The following GABRB1 variants were observed in gnomAD, a reference collection of about 807,000 sequenced individuals.
The protein encoded by GABRB1 is gamma-aminobutyric acid type A receptor subunit beta1, also known as gamma-aminobutyric acid receptor subunit beta-1.
GABRB1 carries 17 observed loss-of-function variants against 51.6 expected under a neutral mutation model. The observed-to-expected ratio is 0.33, with a 90% CI of 0.23 to 0.49. GABRB1 has a LOEUF of 0.49. GABRB1 is among the 20% of genes least tolerant of loss of function. The pLI is 0.99. For synonymous variants in GABRB1, 247 were observed against 218.9 expected, an observed-to-expected ratio of 1.13 and a Z score of -1.14; for missense variants, 410 against 600.6, an observed-to-expected ratio of 0.68 and a Z score of 3.32.
intron 4 of GABRB1, among the ~76,000 whole-genome samples, chr4:47,264,581 T>A (rs138255394): frequency 1.3e-5 from 2 of 152,366 alleles, no homozygotes; most frequent in East Asian, 3.9e-4. Flanking sequence ...AAAGGTCAAG[T>A]CTCAAATGCA....
At chr4:47,259,091 T>C (rs980284278) in intron 4 of GABRB1, among the ~76,000 whole-genome samples, 1 of 152,144 alleles carries the variant, frequency 6.6e-6, no homozygotes, top group Non-Finnish European at 1.5e-5. Flanking sequence ...TGATCAATTC[T>C]AGTCCCCACA....
At chr4:47,056,598 G>A (rs921096474) in intron 3 of GABRB1, among the ~76,000 whole-genome samples, 2 of 152,100 alleles carry the variant, frequency 1.3e-5, no homozygotes, top group Admixed American at 6.6e-5. Context: ...CAAACTGGTT[G>A]GGAATCCATG....
chr4:47,149,182 T>A (rs1717316284), intron 3 of GABRB1, among the ~76,000 whole-genome samples: 1 of 152,060 alleles, frequency 6.6e-6, no homozygotes, highest in Non-Finnish European at 1.5e-5. Flanking sequence ...GGTAAAATGC[T>A]GATCATACAG....
chr4:47,195,457 TAGATGATAGATA>T (rs1719641071), intron 4 of GABRB1, among the ~76,000 whole-genome samples: 1 of 80,180 alleles, frequency 1.2e-5, no homozygotes, highest in African/African-American at 4.8e-5. Context: ...ATAGATAGAT[TAGATGATAGATA>T]GATAGATAGA....
intron 3 of GABRB1, among the ~76,000 whole-genome samples, chr4:47,159,205 C>G (rs1447975943): frequency 2.6e-5 from 4 of 151,766 alleles, no homozygotes; most frequent in African/African-American, 9.7e-5. Context: ...TTCTTTAAGC[C>G]CAGGAATCTG....
intron 1 of GABRB1, chr4:46,994,007 G>C (rs1019383163): frequency 6.5e-6 from 1 of 153,774 alleles, no homozygotes; most frequent in Non-Finnish European, 1.4e-5. Flanking sequence ...TGGGCGTCGG[G>C]TGGTAGCGGT....
intron 1 of GABRB1, among the ~76,000 whole-genome samples, chr4:47,014,521 C>T (rs1248639720): frequency 6.6e-6 from 1 of 152,144 alleles, no homozygotes; most frequent in East Asian, 1.9e-4. Context: ...TAGCATTTCC[C>T]CCTCTCTCCC....
intron 4 of GABRB1, among the ~76,000 whole-genome samples, chr4:47,230,873 T>C (rs1423380023): frequency 2.0e-5 from 3 of 152,176 alleles, no homozygotes; most frequent in Admixed American, 2.0e-4. Flanking sequence ...TTCATTGGCT[T>C]AGAAACACCT....
intron 4 of GABRB1, among the ~76,000 whole-genome samples, chr4:47,217,327 G>A (rs1187290823): frequency 6.6e-6 from 1 of 151,672 alleles, no homozygotes; most frequent in Admixed American, 6.6e-5. Flanking sequence ...TCTGATACAT[G>A]TAACAATAAT....
intron 4 of GABRB1, among the ~76,000 whole-genome samples, chr4:47,252,803 C>T (rs1722045091): frequency 6.6e-6 from 1 of 152,112 alleles, no homozygotes. Flanking sequence ...CAGGCATGAG[C>T]CACCATGTCC....
At chr4:47,172,217 C>T (rs1025009635) in intron 4 of GABRB1, among the ~76,000 whole-genome samples, 2 of 152,012 alleles carry the variant, frequency 1.3e-5, no homozygotes, top group Admixed American at 6.6e-5. Context: ...ATGATAAGTA[C>T]CATTAAAATA....
chr4:47,357,165 ATGT>A (rs1726614051), intron 5 of GABRB1, among the ~76,000 whole-genome samples: 1 of 152,206 alleles, frequency 6.6e-6, no homozygotes, highest in Admixed American at 6.5e-5. Flanking sequence ...CAGTAAAATA[ATGT>A]TGTATCCTTC....
intron 4 of GABRB1, among the ~76,000 whole-genome samples, chr4:47,189,768 T>TCAC (rs1719357619): frequency 6.6e-6 from 1 of 152,038 alleles, no homozygotes; most frequent in African/African-American, 2.4e-5. Flanking sequence ...CTGTTTTTAT[T>TCAC]CACCTTTCTT....
At chr4:47,280,670 C>T (rs1401386810) in intron 4 of GABRB1, among the ~76,000 whole-genome samples, 5 of 151,704 alleles carry the variant, frequency 3.3e-5, no homozygotes, top group African/African-American at 7.3e-5. Context: ...TTTTTTGAGA[C>T]GGGGCCTTGC....
intron 3 of GABRB1, among the ~76,000 whole-genome samples, chr4:47,125,559 C>CTTTTT (rs71195605): frequency 0.67 from 53,975 of 80,460 alleles, 21,886 homozygotes; most frequent in Middle Eastern, 0.85. Context: ...AGTATAATTT[C>CTTTTT]TTTTTTTTTT....
chr4:47,395,792 T>C (rs1055140569), intron 5 of GABRB1, among the ~76,000 whole-genome samples: 2 of 152,196 alleles, frequency 1.3e-5, no homozygotes, highest in African/African-American at 4.8e-5. Context: ...GTTATTACCT[T>C]GTTATCTGTC....
At chr4:47,094,129 G>C (rs1714272346) in intron 3 of GABRB1, among the ~76,000 whole-genome samples, 1 of 151,330 alleles carries the variant, frequency 6.6e-6, no homozygotes, top group African/African-American at 2.4e-5. Context: ...AGCTCCTTTG[G>C]CTATGATTGG....
intron 4 of GABRB1, among the ~76,000 whole-genome samples, chr4:47,221,335 T>C (rs1720759473): frequency 6.6e-6 from 1 of 152,012 alleles, no homozygotes. Flanking sequence ...ACAACCAAGT[T>C]AAGTGTTCAA....
chr4:47,221,967 T>C (rs1326680826), intron 4 of GABRB1, among the ~76,000 whole-genome samples: 2 of 152,106 alleles, frequency 1.3e-5, no homozygotes, highest in African/African-American at 4.8e-5. Context: ...AGCTTTCTGG[T>C]GCTTAAGAAC....
Sources: gnomAD v4.1 joint callset for allele counts (sites outside exome capture counted in the v4.1 genomes callset) on GRCh38, gnomAD v4.1.1 for gene constraint, MANE v1.5 for transcripts, NCBI Gene and HGNC (gene_info 2026-07-23, HGNC 2026-07-21) for gene names.